The following AK6 variants were observed in gnomAD, a reference collection of about 807,000 sequenced individuals.
AK6 encodes adenylate kinase 6.
In AK6, 24 loss-of-function variants were observed where a neutral mutation model predicts 23.7. The observed-to-expected ratio is 1.01, with a 90% CI of 0.73 to 1.43. AK6 has a LOEUF of 1.43. Ranked by LOEUF, AK6 falls within the 40% of genes most tolerant of loss-of-function variation. The pLI is 0.00. For synonymous variants in AK6, 73 were observed against 69.8 expected, an observed-to-expected ratio of 1.05 and a Z score of -0.23; for missense variants, 191 against 199.1, an observed-to-expected ratio of 0.96 and a Z score of 0.24.
rs4252236 is a variant in AK6 at position 69,364,216 on chromosome 5, A to T, written c.121+2287T>A. Among the ~76,000 whole-genome samples the T allele has an allele frequency of 0.022, 3,276 of 150,502 alleles. 179 individuals are homozygous for T. The East Asian group carries it at 0.24, about 11-fold the overall frequency. Reference sequence around the variant, plus strand: ...CAAAAAAATATTTTAAATTAAAAAAAATATATATATATATAAACACTATAA... The same window carrying T: ...CAAAAAAATATTTTAAATTAAAAAATATATATATATATATAAACACTATAA... On this transcript the variant is annotated intron_variant, in intron 2 of 4. Coordinates refer to ENST00000380822, the MANE Select transcript of AK6 (RefSeq NM_016283.5).
chr5:69,364,979 A>G (rs1762354408), intron 2 of AK6: 2 of 1,611,528 alleles, frequency 1.2e-6, no homozygotes, highest in Non-Finnish European at 1.7e-6. Context: ...CATCATCGTC[A>G]TCATCATCAT....
At chr5:69,358,080 G>A (rs1430135830) in intron 2 of AK6, among the ~76,000 whole-genome samples, 2 of 152,120 alleles carry the variant, frequency 1.3e-5, no homozygotes, top group Non-Finnish European at 2.9e-5. Context: ...AAGCTTTGGA[G>A]TATTTTTCCA....
intron 2 of AK6, among the ~76,000 whole-genome samples, chr5:69,358,687 C>T (rs1412074573): frequency 4.0e-5 from 6 of 151,764 alleles, no homozygotes; most frequent in East Asian, 1.9e-4. Context: ...TAGCCTGTAC[C>T]AGAGAAATGA....
At chr5:69,361,969 CTTTTTTTTTTTTT>C (rs112797204) in intron 2 of AK6, among the ~76,000 whole-genome samples, 1 of 104,838 alleles carries the variant, frequency 9.5e-6, no homozygotes, top group Admixed American at 1.1e-4. Flanking sequence ...ACTTGATTCC[CTTTTTTTTTTTTT>C]TTTTTTTTGC....
At chr5:69,364,595 T>TA (rs1179451452) in intron 2 of AK6, 2 of 342,770 alleles carry the variant, frequency 5.8e-6, no homozygotes, top group Non-Finnish European at 1.1e-5. Context: ...TACTATGATC[T>TA]ATGTATCTGA....
Position 69,355,907 on chromosome 5 carries a change from T to G in AK6, c.168A>C (p.Leu56Phe). The G allele has an allele frequency of 1.9e-6, 3 of 1,610,244 alleles. No individual in the cohort carries two copies. The highest frequency in any genetic ancestry group is 2.5e-6 in the Non-Finnish European group (3 of 1,178,884). The change falls in exon 3 of 5, where the codon TTA (leucine) becomes TTC (phenylalanine). Residue 56 changes from leucine to phenylalanine, a missense_variant. Coordinates refer to ENST00000380822, the MANE Select transcript of AK6 (RefSeq NM_016283.5). ...GYDEEYDCPILDEDRVVDELD... is the reference protein window; with the variant it reads ...GYDEEYDCPIFDEDRVVDELD... Reference sequence around the variant, plus strand: ...AAGTCATACTTACTCTGTCTTCATCTAAAATGGGACAGTCATACTCTTCAT... The same window carrying G: ...AAGTCATACTTACTCTGTCTTCATCGAAAATGGGACAGTCATACTCTTCAT...
chr5:69,353,980 AG>A (rs900781116), intron 4 of AK6, among the ~76,000 whole-genome samples: 1 of 152,038 alleles, frequency 6.6e-6, no homozygotes, highest in African/African-American at 2.4e-5. Context: ...TATGTTGCCC[AG>A]GCTGGTCTCA....
intron 2 of AK6, among the ~76,000 whole-genome samples, chr5:69,365,920 C>T (rs1016331415): frequency 1.1e-4 from 16 of 152,066 alleles, no homozygotes; most frequent in African/African-American, 3.9e-4. Context: ...AACTTAAGGT[C>T]GCTTTAATTT....
intron 2 of AK6, among the ~76,000 whole-genome samples, chr5:69,359,319 A>T (rs1762166967): frequency 6.6e-6 from 1 of 151,858 alleles, no homozygotes; most frequent in African/African-American, 2.4e-5. Context: ...ATCCTGGCTC[A>T]CTGCAACCTC....
rs1425091130 is a variant in AK6 at position 69,369,477 on chromosome 5, T to A, written c.14A>T (p.Asn5Ile). 1 of 1,611,064 alleles carries A rather than the reference T, an allele frequency of 6.2e-7. No individual in the cohort carries two copies. The highest frequency in any genetic ancestry group is 1.1e-5 in the South Asian group (1 of 90,898). The change falls in exon 1 of 5, where the codon AAC becomes ATC. Residue 5 changes from asparagine (N) to isoleucine (I), a missense_variant. By Grantham distance (149) the Asn-to-Ile change is moderately radical. Transcript: ENST00000380822. Reference protein sequence around the residue: MLLPNILLTGTPGVG... With the variant: MLLPIILLTGTPGVG... ...CGCGCCCTGACCGGTGAGCAGGATG[T>A]TCGGAAGCAACATGGTCCCCGCCGC...
Position 69,366,493 on chromosome 5 carries a change from T to G in AK6, c.121+10A>C. 6.2e-7 allele frequency: 1 copy of G among 1,605,598 alleles called. No individual in the cohort carries two copies. The highest frequency in any genetic ancestry group is 8.5e-7 in the Non-Finnish European group (1 of 1,174,634). On this transcript the variant is annotated intron_variant, in intron 2 of 4. Coordinates refer to ENST00000380822, the MANE Select transcript of AK6 (RefSeq NM_016283.5). Reference sequence around the variant, plus strand: ...AAACAAAACAAATCTAACACCAAAGTGTCCCTTACCTTCTCGAGCTAAATC... The same window carrying G: ...AAACAAAACAAATCTAACACCAAAGGGTCCCTTACCTTCTCGAGCTAAATC...
chr5:69,369,244 C>CCCCCCCCCCCCCCCCCCCCCCCA, intron 1 of AK6: 1 of 266,128 alleles, frequency 3.8e-6, no homozygotes. Context: ...CCGCCCCCCC[C>CCCCCCCCCCCCCCCCCCCCCCCA]CGGAGCCTCA....
intron 2 of AK6, among the ~76,000 whole-genome samples, chr5:69,357,239 G>A (rs1762106781): frequency 6.6e-6 from 1 of 152,192 alleles, no homozygotes; most frequent in Admixed American, 6.5e-5. Context: ...ACTGATTCTA[G>A]GCACATAAAC....
At position 69,351,195 on chromosome 5, in the gene AK6, A is replaced by G. The variant is rs1474502964; in HGVS notation, c.*866T>C. 6.6e-6 allele frequency: 1 copy of G among 152,082 alleles called. No individual in the cohort carries two copies. Among genetic ancestry groups the G allele is most frequent in the African/African-American group, 2.4e-5 (1 of 41,412 alleles). The allele number at this position is 152,082 out of a possible 1,614,324, so 9.4% of individuals were successfully genotyped here. On this transcript the variant is annotated 3_prime_UTR_variant, in exon 5 of 5. Coordinates refer to ENST00000380822, the MANE Select transcript of AK6 (RefSeq NM_016283.5). The stretch of plus-strand genomic sequence containing the variant: ...TAAAAACCAACGGATTATAAATTTT[A>G]TTTATGTTTATTTTTAGAGTCTAAG...
chr5:69,361,666 G>A (rs1762240431), intron 2 of AK6, among the ~76,000 whole-genome samples: 1 of 150,948 alleles, frequency 6.6e-6, no homozygotes, highest in Non-Finnish European at 1.5e-5. Context: ...GTGCAGTGGT[G>A]TGATCTCGGG....
At chr5:69,355,611 C>T in intron 4 of AK6, 38 bp downstream of exon 4, 1 of 1,544,314 alleles carries the variant, frequency 6.5e-7, no homozygotes, top group Non-Finnish European at 8.8e-7. Flanking sequence ...TAAAAGTTAA[C>T]ATTATGCTTT....
intron 1 of AK6, chr5:69,369,179 C>T: frequency 2.0e-6 from 1 of 502,082 alleles, no homozygotes; most frequent in Non-Finnish European, 3.5e-6. Context: ...TTCAGAAAGA[C>T]TAAGCAGGTT....
chr5:69,357,810 AT>A (rs1288384731), intron 2 of AK6, among the ~76,000 whole-genome samples: 1 of 152,310 alleles, frequency 6.6e-6, no homozygotes, highest in African/African-American at 2.4e-5. Flanking sequence ...ATAATAAAAA[AT>A]GTTGAACAAT....
intron 2 of AK6, among the ~76,000 whole-genome samples, chr5:69,359,536 C>T (rs762103641): frequency 2.0e-5 from 3 of 152,158 alleles, no homozygotes; most frequent in African/African-American, 4.8e-5. Flanking sequence ...TGAGCCACTG[C>T]GCCAGGCCCC....
Sources: allele counts gnomAD v4.1 joint callset (sites outside exome capture counted in the v4.1 genomes callset), GRCh38; gene constraint gnomAD v4.1.1; transcripts MANE v1.5; gene names NCBI Gene and HGNC (gene_info 2026-07-23, HGNC 2026-07-21).